The following MECOM variants were observed in gnomAD, a reference collection of about 807,000 sequenced individuals.
The protein encoded by MECOM is MDS1 and EVI1 complex locus.
MECOM carries 13 observed loss-of-function variants against 116.3 expected under a neutral mutation model. That is an observed-to-expected ratio of 0.11 (90% CI 0.07 to 0.18). MECOM has a LOEUF of 0.18. MECOM is among the 10% of genes least tolerant of loss of function. MECOM has a pLI of 1.00. For missense variants in MECOM, 1,299 were observed against 1,509.0 expected (o/e 0.86, Z 2.31); for synonymous variants, 528 against 535.2 (o/e 0.99, Z 0.19).
At chr3:169,149,975 G>GTCTGTC (rs1553860382) in intron 2 of MECOM, among the ~76,000 whole-genome samples, 10 of 100,402 alleles carry the variant, frequency 1.0e-4, no homozygotes, top group African/African-American at 2.4e-4. Flanking sequence ...GTGTGTGTGT[G>GTCTGTC]TGTCTGTCTG....
At chr3:169,197,376 G>T (rs1324557304) in intron 2 of MECOM, among the ~76,000 whole-genome samples, 1 of 151,670 alleles carries the variant, frequency 6.6e-6, no homozygotes, top group African/African-American at 2.4e-5. Flanking sequence ...AACAAGTGCA[G>T]TGTGTGCGGA....
At chr3:169,435,722 T>C (rs76197604) in intron 1 of MECOM, among the ~76,000 whole-genome samples, 1,836 of 152,358 alleles carry the variant, frequency 0.012, 15 homozygotes, top group Non-Finnish European at 0.021. Flanking sequence ...CTTTGATTTC[T>C]TAATTCCGTT....
intron 1 of MECOM, among the ~76,000 whole-genome samples, chr3:169,533,179 C>T (rs1576752096): frequency 1.9e-5 from 1 of 53,622 alleles, no homozygotes; most frequent in African/African-American, 1.9e-4. Flanking sequence ...CTTCACGTTT[C>T]CTCACATTTG....
intron 2 of MECOM, among the ~76,000 whole-genome samples, chr3:169,340,438 TG>T (rs1477920168): frequency 6.6e-6 from 1 of 152,206 alleles, no homozygotes; most frequent in Non-Finnish European, 1.5e-5. Flanking sequence ...ATAGCTGCTG[TG>T]GATTTCAAGT....
rs564336848 is a variant in MECOM at position 169,233,802 on chromosome 3, A to C, written c.376-89970T>G. 1.5e-4 allele frequency among the ~76,000 whole-genome samples: 23 copies of C among 152,282 alleles called. No homozygotes were observed. In the South Asian group the frequency reaches 1.9e-3, roughly 12 times the overall value. Reference sequence around the variant, plus strand: ...CCATACTACAGTACTTTCCATTGTAAAGAGCATGCTGCACCTAAATTCGTC... The same window carrying C: ...CCATACTACAGTACTTTCCATTGTACAGAGCATGCTGCACCTAAATTCGTC... On this transcript the variant is annotated intron_variant, in intron 2 of 16. Coordinates refer to ENST00000651503, the MANE Select transcript of MECOM (RefSeq NM_004991.4).
intron 1 of MECOM, among the ~76,000 whole-genome samples, chr3:169,386,160 C>A (rs1172091086): frequency 6.6e-6 from 1 of 152,092 alleles, no homozygotes; most frequent in Non-Finnish European, 1.5e-5. Flanking sequence ...GAATAACTAC[C>A]ATAGGTTTCC....
chr3:169,515,213 C>T (rs1756477968), intron 1 of MECOM, among the ~76,000 whole-genome samples: 1 of 152,096 alleles, frequency 6.6e-6, no homozygotes, highest in Non-Finnish European at 1.5e-5. Flanking sequence ...AAAGAGGGAT[C>T]TGGTATGGGA....
intron 1 of MECOM, among the ~76,000 whole-genome samples, chr3:169,485,964 C>CTATA (rs371192814): frequency 0.018 from 1,725 of 94,332 alleles, 86 homozygotes; most frequent in African/African-American, 0.081. Context: ...TACATATATA[C>CTATA]TATATATACA....
rs147229257 is a variant in MECOM, at chr3:169,417,876, G to A, written c.38-36352C>T. On this transcript the variant is annotated intron_variant, in intron 1 of 16. Transcript: ENST00000651503. ...GCAAGAACAAAAAACCAAACACCAC[G>A]TATTCTCACTTATAGGTGGGAATCG... 1.8e-3 allele frequency among the ~76,000 whole-genome samples: 265 copies of A among 151,372 alleles called. 5 individuals carry two copies. In the East Asian group the frequency reaches 0.048, roughly 28 times the overall value.
intron 1 of MECOM, among the ~76,000 whole-genome samples, chr3:169,520,134 G>T (rs888324149): frequency 1.3e-5 from 2 of 152,236 alleles, no homozygotes; most frequent in African/African-American, 2.4e-5. Context: ...CAACATGGAA[G>T]AAAGCAAAAG....
At chr3:169,336,349 C>T (rs1391951094) in intron 2 of MECOM, among the ~76,000 whole-genome samples, 1 of 151,694 alleles carries the variant, frequency 6.6e-6, no homozygotes, top group Non-Finnish European at 1.5e-5. Flanking sequence ...TCTCTCTCAT[C>T]AAATAAAAGC....
At chr3:169,432,437 C>T (rs117831556) in intron 1 of MECOM, among the ~76,000 whole-genome samples, 3 of 152,294 alleles carry the variant, frequency 2.0e-5, no homozygotes, top group East Asian at 3.9e-4. Flanking sequence ...GGATTATAGG[C>T]GTGAGCCACT....
chr3:169,149,219 C>T (rs955358687), intron 2 of MECOM, among the ~76,000 whole-genome samples: 4 of 151,716 alleles, frequency 2.6e-5, no homozygotes, highest in African/African-American at 9.7e-5. Flanking sequence ...GAACCGATTG[C>T]TTCAGACAGT....
At chr3:169,409,909 C>T (rs995151198) in intron 1 of MECOM, among the ~76,000 whole-genome samples, 1 of 152,130 alleles carries the variant, frequency 6.6e-6, no homozygotes, top group African/African-American at 2.4e-5. Flanking sequence ...CTTTCCTAAA[C>T]AACTGCTTAA....
chr3:169,567,751 T>C (rs77786411), intron 1 of MECOM, among the ~76,000 whole-genome samples: 1,895 of 152,260 alleles, frequency 0.012, 32 homozygotes, highest in African/African-American at 0.044. Context: ...TTTTCTAAAG[T>C]TGTTAATTTC....
At chr3:169,581,629 C>G (rs986755966) in intron 1 of MECOM, among the ~76,000 whole-genome samples, 7 of 152,140 alleles carry the variant, frequency 4.6e-5, no homozygotes, top group Non-Finnish European at 1.0e-4. Context: ...TATTCATTTT[C>G]TTGCCCTGTC....
intron 2 of MECOM, among the ~76,000 whole-genome samples, chr3:169,349,551 T>C (rs1213038050): frequency 1.3e-5 from 2 of 151,898 alleles, no homozygotes; most frequent in Non-Finnish European, 2.9e-5. Context: ...GATGACAACA[T>C]TGTTATCATA....
intron 1 of MECOM, among the ~76,000 whole-genome samples, chr3:169,623,708 G>C (rs1771018286): frequency 6.6e-6 from 1 of 151,662 alleles, no homozygotes; most frequent in African/African-American, 2.4e-5. Context: ...CTCCTCTACT[G>C]ACCCTACTTG....
chr3:169,215,350 G>A (rs901545784), intron 2 of MECOM, among the ~76,000 whole-genome samples: 85 of 151,092 alleles, frequency 5.6e-4, no homozygotes, highest in African/African-American at 1.9e-3. Context: ...AATCATTTGT[G>A]GTGAATTTAA....
Sources: gnomAD v4.1 joint callset for allele counts (sites outside exome capture counted in the v4.1 genomes callset) on GRCh38, gnomAD v4.1.1 for gene constraint, MANE v1.5 for transcripts, NCBI Gene and HGNC (gene_info 2026-07-23, HGNC 2026-07-21) for gene names.